CTSH: variants seen among roughly 807,000 people sequenced by gnomAD.
CTSH encodes the protein cathepsin H.
Under a neutral mutation model 56.3 loss-of-function variants are expected in CTSH, and 52 were observed. That is an observed-to-expected ratio of 0.92 (90% CI 0.74 to 1.16). CTSH has a LOEUF of 1.16. CTSH is among the 50% of genes most tolerant of loss of function. CTSH has a pLI of 0.00. For synonymous variants in CTSH, 174 were observed against 155.7 expected (o/e 1.12, Z -0.88); for missense variants, 406 against 424.5 (o/e 0.96, Z 0.38).
intron 5 of CTSH, among the ~76,000 whole-genome samples, chr15:78,934,613 C>T (rs1027397932): frequency 3.9e-5 from 6 of 152,228 alleles, no homozygotes; most frequent in Admixed American, 6.5e-5. Context: ...CCTGGTGGCT[C>T]GGAGAAGATG....
chr15:78,928,792 T>A (rs540680575), intron 8 of CTSH, among the ~76,000 whole-genome samples: 126 of 151,834 alleles, frequency 8.3e-4, no homozygotes, highest in African/African-American at 3.0e-3. Flanking sequence ...AAGGGAGTCA[T>A]GTGAGGTCTG....
chr15:78,921,822 T>G lies in CTSH; in HGVS notation c.*308A>C. The G allele has an allele frequency of 2.8e-6, 1 of 362,396 alleles. No homozygotes were observed. The highest frequency in any genetic ancestry group is 5.1e-6 in the Non-Finnish European group (1 of 197,558). 22.4% of individuals were successfully genotyped at this position (362,396 alleles called of 1,614,324 possible). A position where few individuals can be genotyped will look rare whatever the true frequency, so the allele number is the denominator to read the frequency against. ...TGAACAGCGAATACAGAAAAGACAG[T>G]CCCTGGAGCTCTATATGTGGAAAGT... On this transcript the variant is annotated 3_prime_UTR_variant, in exon 12 of 12. Coordinates refer to ENST00000220166, the MANE Select transcript of CTSH (RefSeq NM_004390.5).
intron 1 of CTSH, among the ~76,000 whole-genome samples, chr15:78,941,810 A>C (rs2055300846): frequency 6.6e-6 from 1 of 152,144 alleles, no homozygotes; most frequent in African/African-American, 2.4e-5. Flanking sequence ...AAAAAAAAAA[A>C]AATTTATTCT....
chr15:78,922,053 C>G lies in CTSH; in HGVS notation c.*77G>C, dbSNP rs1306020685. 7.3e-7 allele frequency: 1 copy of G among 1,368,562 alleles called. No individual in the cohort carries two copies. Among genetic ancestry groups the G allele is most frequent in the African/African-American group, 1.4e-5 (1 of 69,480 alleles). The allele number at this position is 1,368,562 out of a possible 1,614,324, so 84.8% of individuals were successfully genotyped here. The stretch of plus-strand genomic sequence containing the variant: ...CAGTGGATCTCCCCACAACTTCCTC[C>G]AGGGCAGGATTTCCACCCAGGCCCA... On this transcript the variant is annotated 3_prime_UTR_variant, in exon 12 of 12. Coordinates refer to ENST00000220166, the MANE Select transcript of CTSH (RefSeq NM_004390.5).
chr15:78,925,347 C>T lies in CTSH; in HGVS notation c.793G>A (p.Gly265Ser). Residue 265 changes from glycine (G) to serine (S), a missense_variant, in exon 10 of 12, where the codon GGC becomes AGC. Gly to Ser is a moderately conservative substitution (Grantham distance 56). Coordinates refer to ENST00000220166, the MANE Select transcript of CTSH (RefSeq NM_004390.5). ...ACCCTGACTCACCTGGAGTAGATGC[C>T]GGTTCTATACATCATGAAGTCCTGA... ...VTQDFMMYRT[G>S]IYSSTSCHKT... 6.2e-7 allele frequency: 1 copy of T among 1,611,106 alleles called. No individual in the cohort carries two copies.
At chr15:78,939,804 A>T (rs1216072368) in intron 1 of CTSH, among the ~76,000 whole-genome samples, 2 of 152,108 alleles carry the variant, frequency 1.3e-5, no homozygotes, top group Non-Finnish European at 2.9e-5. Context: ...AATCGCTTGA[A>T]CCCGGGAGGC....
At chr15:78,938,755 T>C (rs902224774) in intron 2 of CTSH, among the ~76,000 whole-genome samples, 3 of 152,212 alleles carry the variant, frequency 2.0e-5, no homozygotes, top group African/African-American at 7.2e-5. Flanking sequence ...ACTAATTTCC[T>C]TTCTTTTGGA....
intron 1 of CTSH, among the ~76,000 whole-genome samples, chr15:78,940,908 G>A (rs1007879318): frequency 5.3e-5 from 8 of 151,154 alleles, no homozygotes; most frequent in South Asian, 2.1e-4. Context: ...GCTGTGAGCC[G>A]AGATTGTGCC....
intron 1 of CTSH, 75 bp from the exon 2 acceptor site, chr15:78,939,246 A>G: frequency 8.0e-7 from 1 of 1,254,762 alleles, no homozygotes; most frequent in Non-Finnish European, 1.1e-6. Flanking sequence ...AGGGCACTTT[A>G]GAACTGATTT....
intron 4 of CTSH, 95 bp from the exon 5 acceptor site, chr15:78,935,177 A>C: frequency 1.2e-6 from 1 of 811,724 alleles, no homozygotes; most frequent in South Asian, 1.7e-5. Flanking sequence ...TGGAATCACC[A>C]AGAGAGAATA....
rs2141526113 is a variant in CTSH at position 78,927,768 on chromosome 15, T to C, written c.644A>G (p.Lys215Arg). 2 of 1,614,166 alleles carry C rather than the reference T, an allele frequency of 1.2e-6. No homozygotes were observed. The highest frequency in any genetic ancestry group is 1.7e-6 in the Non-Finnish European group (2 of 1,180,004). The change falls in exon 9 of 12, where the codon AAG becomes AGG. Residue 215 changes from lysine (K) to arginine (R), a missense_variant. Physicochemically the swap from Lys to Arg is conservative, Grantham distance 26 (BLOSUM62 2). Coordinates refer to ENST00000220166, the MANE Select transcript of CTSH (RefSeq NM_004390.5). ...YPYQGKDGYC[K>R]FQPGKAIGFV... ...GCCGATGGCCTTTCCAGGTTGGAAC[T>C]TGCAATAACCATCCTGTTGAGGATG... is the stretch of plus-strand genomic sequence containing the variant.
At chr15:78,928,617 C>CTGAGT (rs2054974913) in intron 8 of CTSH, among the ~76,000 whole-genome samples, 1 of 147,174 alleles carries the variant, frequency 6.8e-6, no homozygotes, top group Admixed American at 6.8e-5. Flanking sequence ...GACAGGGAGA[C>CTGAGT]TGAGTTGGAG....
intron 1 of CTSH, among the ~76,000 whole-genome samples, chr15:78,940,887 A>T (rs1370708843): frequency 6.6e-6 from 1 of 152,054 alleles, no homozygotes; most frequent in East Asian, 1.9e-4. Context: ...TGAACCTGAG[A>T]GGCGGAGGCT....
intron 8 of CTSH, 108 bp from the exon 9 acceptor site, chr15:78,927,889 G>A (rs575166108): frequency 5.8e-6 from 5 of 856,522 alleles, no homozygotes; most frequent in South Asian, 1.4e-5. Context: ...GCCAGGGCCT[G>A]GGGGATGGGA....
chr15:78,923,359 T>C lies in CTSH; in HGVS notation c.807-241A>G, dbSNP rs544094840. 4.6e-5 allele frequency among the ~76,000 whole-genome samples: 7 copies of C among 152,318 alleles called. No homozygotes were observed. In the South Asian group the frequency reaches 1.2e-3, roughly 27 times the overall value. ...GGCTGGAGTGCAATGGTGCAATCTC[T>C]GCTCACTGCAACCTTCACCTCCAGG... On this transcript the variant is annotated intron_variant, in intron 10 of 11. Coordinates refer to ENST00000220166, the MANE Select transcript of CTSH (RefSeq NM_004390.5).
At chr15:78,942,179 T>C (rs1389748175) in intron 1 of CTSH, among the ~76,000 whole-genome samples, 3 of 151,836 alleles carry the variant, frequency 2.0e-5, no homozygotes, top group Admixed American at 6.6e-5. Context: ...CATGGTGCTC[T>C]ATCACTCAGC....
chr15:78,943,969 G>A (rs1318901739), intron 1 of CTSH, among the ~76,000 whole-genome samples: 1 of 152,206 alleles, frequency 6.6e-6, no homozygotes, highest in African/African-American at 2.4e-5. Flanking sequence ...GAAGGAATGA[G>A]GCAACCCTCT....
Position 78,937,866 on chromosome 15 carries a change from T to C in CTSH, c.124-443A>G, listed in dbSNP as rs186540171. 1.2e-4 allele frequency: 145 copies of C among 1,204,522 alleles called. No homozygotes were observed. In the African/African-American group the frequency reaches 2.1e-3, roughly 17 times the overall value. The allele number at this position is 1,204,522 out of a possible 1,614,324, so 74.6% of individuals were successfully genotyped here. On this transcript the variant is annotated intron_variant, in intron 2 of 11. Transcript: ENST00000220166. Reference sequence around the variant, plus strand: ...TAATTTTTTATTGATATATAACTGATGTACTTTTTTTGGTAAATGTAATAT... The same window carrying C: ...TAATTTTTTATTGATATATAACTGACGTACTTTTTTTGGTAAATGTAATAT...
In CTSH at chr15:78,937,308, T is replaced by TTCCACGTACTTTTAA; in HGVS notation, c.224_229+9dup. The TTCCACGTACTTTTAA allele has an allele frequency of 6.2e-7, 1 of 1,610,152 alleles. No homozygotes were observed. Among genetic ancestry groups the TTCCACGTACTTTTAA allele is most frequent in the Non-Finnish European group, 8.5e-7 (1 of 1,176,746 alleles). ...ATCCTTCCAGGAAGGAAGGAAGGCG[T>TTCCACGTACTTTTAA]TCCACGTACTTTTAAATGTGTGGTT... On this transcript the variant is annotated intron_variant, in intron 3 of 11. Coordinates refer to ENST00000220166, the MANE Select transcript of CTSH (RefSeq NM_004390.5).
Sources: gnomAD v4.1 joint callset for allele counts (sites outside exome capture counted in the v4.1 genomes callset) on GRCh38, gnomAD v4.1.1 for gene constraint, MANE v1.5 for transcripts, NCBI Gene and HGNC (gene_info 2026-07-23, HGNC 2026-07-21) for gene names.